ASRGL1: variants seen among roughly 807,000 people sequenced by gnomAD.
The protein encoded by ASRGL1 is asparaginase and isoaspartyl peptidase 1.
ASRGL1 carries 16 observed loss-of-function variants against 22.4 expected under a neutral mutation model. The ratio of observed to expected loss-of-function variants is 0.71; its 90% CI spans 0.48 to 1.08. ASRGL1 has a LOEUF of 1.08. Among genes scored for constraint, ASRGL1 ranks in the 50% least tolerant of loss-of-function variants. The probability of loss-of-function intolerance (pLI) is 0.00; values close to 1 mark genes in which losing one functional copy is unlikely to be tolerated. For synonymous variants in ASRGL1, 165 were observed against 159.3 expected (o/e 1.04, Z -0.27); for missense variants, 412 against 410.1 (o/e 1.00, Z -0.04).
intron 4 of ASRGL1, among the ~76,000 whole-genome samples, chr11:62,370,596 C>T (rs557909536): frequency 1.3e-5 from 2 of 152,228 alleles, no homozygotes; most frequent in South Asian, 4.1e-4. Context: ...TTATGTGCTT[C>T]TGTTTGTCTA....
At chr11:62,337,749 G>C (rs1226634838) in intron 1 of ASRGL1, 141 bp from the exon 2 acceptor site, 5 of 476,536 alleles carry the variant, frequency 1.0e-5, no homozygotes, top group South Asian at 7.0e-5. Context: ...ACCCCCAGCA[G>C]GTCCGGGCCG....
intron 2 of ASRGL1, among the ~76,000 whole-genome samples, chr11:62,354,606 C>T (rs1294780982): frequency 1.3e-5 from 2 of 152,084 alleles, no homozygotes; most frequent in Admixed American, 6.5e-5. Flanking sequence ...GTATTCGAGA[C>T]GGCTGCTAAG....
intron 4 of ASRGL1, chr11:62,372,994 G>A (rs760625270): frequency 6.1e-5 from 86 of 1,405,574 alleles, no homozygotes; most frequent in Non-Finnish European, 8.4e-5. Context: ...GGGGAACTGG[G>A]CTACAGGGAT....
intron 5 of ASRGL1, among the ~76,000 whole-genome samples, chr11:62,391,168 T>G (rs537042555): frequency 1.3e-5 from 2 of 152,356 alleles, no homozygotes; most frequent in African/African-American, 4.8e-5. Context: ...AATGCAGTCA[T>G]GCTGTTTCTT....
rs376859272 is a variant in ASRGL1 at position 62,351,014 on chromosome 11, G to T, written c.191-5311G>T. 3.9e-5 allele frequency among the ~76,000 whole-genome samples: 6 copies of T among 152,164 alleles called. No individual in the cohort carries two copies. In the South Asian group the frequency reaches 8.3e-4, roughly 21 times the overall value. On this transcript the variant is annotated intron_variant, in intron 2 of 6. Transcript: ENST00000415229. ...ATTTTGTTTTAGCTGTAGTATTTTT[G>T]AGTGTATCTCTTTATATAGATTTTT...
chr11:62,357,918 A>G (rs2134611248), intron 4 of ASRGL1, among the ~76,000 whole-genome samples: 1 of 152,322 alleles, frequency 6.6e-6, no homozygotes. Flanking sequence ...TATACCTTGT[A>G]TCACCTAGGG....
chr11:62,383,907 T>C (rs10897265), intron 4 of ASRGL1, among the ~76,000 whole-genome samples: 110,805 of 142,538 alleles, frequency 0.78, 42,938 homozygotes, highest in South Asian at 0.84. Flanking sequence ...GGGCAAGAGT[T>C]GGTCTCAAAA....
At chr11:62,361,686 C>T (rs1946439220) in intron 4 of ASRGL1, among the ~76,000 whole-genome samples, 1 of 151,910 alleles carries the variant, frequency 6.6e-6, no homozygotes, top group African/African-American at 2.4e-5. Flanking sequence ...GGGGGTTTCA[C>T]CATGTTGGCC....
In ASRGL1 at chr11:62,356,467, G is replaced by A; in HGVS notation, c.333G>A (p.Lys111=). 1 of 1,613,996 alleles carries A rather than the reference G, an allele frequency of 6.2e-7. No individual in the cohort carries two copies. Among genetic ancestry groups the A allele is most frequent in the Non-Finnish European group, 8.5e-7 (1 of 1,179,964 alleles). The change falls in exon 3 of 7, where the codon AAG becomes AAA. Residue 111 remains lysine, a splice_region_variant and synonymous_variant. Coordinates refer to ENST00000415229, the MANE Select transcript of ASRGL1 (RefSeq NM_001083926.2). ...AACTTGCTCGGCTTGTCATGGAAAA[G>A]GTATATGTGACTAAAGCAGCCTTTT... The part of the protein sequence containing the change: ...PIKLARLVME[K]TPHCFLTDQG...
chr11:62,391,987 T>G (rs1947350894), intron 6 of ASRGL1, 92 bp from the exon 7 acceptor site: 3 of 1,446,328 alleles, frequency 2.1e-6, no homozygotes, highest in Non-Finnish European at 2.9e-6. Context: ...AAATCCTTGC[T>G]AGCTCACTTT....
chr11:62,352,443 G>A (rs868437880), intron 2 of ASRGL1, among the ~76,000 whole-genome samples: 7 of 152,030 alleles, frequency 4.6e-5, no homozygotes, highest in South Asian at 2.1e-4. Flanking sequence ...AAAATTAGCC[G>A]GGTATGGTGG....
At chr11:62,379,242 T>C (rs2134677281) in intron 4 of ASRGL1, among the ~76,000 whole-genome samples, 1 of 152,260 alleles carries the variant, frequency 6.6e-6, no homozygotes, top group East Asian at 1.9e-4. Flanking sequence ...TTAGGCCAAT[T>C]TTTTGGCCAC....
intron 2 of ASRGL1, among the ~76,000 whole-genome samples, chr11:62,348,625 C>G (rs754331253): frequency 6.6e-6 from 1 of 151,890 alleles, no homozygotes; most frequent in East Asian, 1.9e-4. Flanking sequence ...ATCACTTGAA[C>G]CTGGGAGATG....
rs1316909022 is a variant in ASRGL1, at chr11:62,337,488, G to C, written c.-175G>C. On this transcript the variant is annotated 5_prime_UTR_variant, in exon 1 of 7. Transcript: ENST00000415229. ...GTTGCGGGCTGAGCGGTTTCGAGCC[G>C]GCGTCGGGGAGCGGCGGTACCGGGC... 4 of 159,872 alleles carry C rather than the reference G, an allele frequency of 2.5e-5. No homozygotes were observed. Among genetic ancestry groups the C allele is most frequent in the Admixed American group, 1.3e-4 (2 of 15,478 alleles). 9.9% of individuals were successfully genotyped at this position (159,872 alleles called of 1,614,324 possible).
chr11:62,370,764 A>C (rs1345180334), intron 4 of ASRGL1, among the ~76,000 whole-genome samples: 1 of 152,152 alleles, frequency 6.6e-6, no homozygotes, highest in Non-Finnish European at 1.5e-5. Context: ...TATTGGCCAC[A>C]CATTCTTCCC....
chr11:62,369,608 G>T (rs1023155220), intron 4 of ASRGL1, among the ~76,000 whole-genome samples: 1 of 152,068 alleles, frequency 6.6e-6, no homozygotes, highest in African/African-American at 2.4e-5. Flanking sequence ...TACTTCCGAT[G>T]GTCTTAACCC....
intron 2 of ASRGL1, among the ~76,000 whole-genome samples, chr11:62,348,444 C>T (rs1946085049): frequency 6.6e-6 from 1 of 152,134 alleles, no homozygotes; most frequent in Non-Finnish European, 1.5e-5. Context: ...TGACTCACGC[C>T]TGTAATCCCA....
At chr11:62,379,439 T>C (rs1947010825) in intron 4 of ASRGL1, among the ~76,000 whole-genome samples, 1 of 152,158 alleles carries the variant, frequency 6.6e-6, no homozygotes, top group African/African-American at 2.4e-5. Context: ...CCAACCTTAA[T>C]ATAAGGCAGG....
At chr11:62,384,194 G>A (rs955533440) in intron 4 of ASRGL1, among the ~76,000 whole-genome samples, 3 of 152,028 alleles carry the variant, frequency 2.0e-5, no homozygotes, top group Admixed American at 6.5e-5. Flanking sequence ...GGGCAACAGT[G>A]CAAGACTCCG....
Sources: gnomAD v4.1 joint callset for allele counts (sites outside exome capture counted in the v4.1 genomes callset) on GRCh38, gnomAD v4.1.1 for gene constraint, MANE v1.5 for transcripts, NCBI Gene and HGNC (gene_info 2026-07-23, HGNC 2026-07-21) for gene names.